The following ANO3 variants were observed in gnomAD, a reference collection of about 807,000 sequenced individuals.
ANO3 encodes anoctamin-3.
In ANO3, 99 loss-of-function variants were observed where a neutral mutation model predicts 144.8. That is an observed-to-expected ratio of 0.68 (90% CI 0.58 to 0.81). ANO3 has a LOEUF of 0.81. ANO3 is among the 30% of genes least tolerant of loss of function. ANO3 has a pLI of 0.00. For synonymous variants in ANO3, 414 were observed against 392.6 expected, an observed-to-expected ratio of 1.05 and a Z score of -0.64; for missense variants, 905 against 1,202.2, an observed-to-expected ratio of 0.75 and a Z score of 3.66.
In ANO3 at chr11:26,374,099, G is replaced by C. The variant is rs554485108; in HGVS notation, c.46+41778G>C. On this transcript the variant is annotated intron_variant, in intron 1 of 26. Transcript: ENST00000256737. Reference sequence around the variant, plus strand: ...ATGCTTCCAGGTTCACAATGTCATAGGTACTTGTGTTTTCCAGGTCATATA... The same window carrying C: ...ATGCTTCCAGGTTCACAATGTCATACGTACTTGTGTTTTCCAGGTCATATA... Among the ~76,000 whole-genome samples the C allele has an allele frequency of 4.1e-4, 63 of 152,248 alleles. No individual in the cohort carries two copies. In the South Asian group the frequency reaches 0.013, roughly 32 times the overall value.
intron 14 of ANO3, among the ~76,000 whole-genome samples, chr11:26,590,739 G>A (rs866170588): frequency 1.3e-5 from 2 of 152,206 alleles, no homozygotes; most frequent in African/African-American, 2.4e-5. Context: ...GGCAAAGGGC[G>A]CCTCGCTGGA....
chr11:26,296,366 A>T (rs781347979), intron 1 of ANO3, among the ~76,000 whole-genome samples: 13 of 152,122 alleles, frequency 8.5e-5, no homozygotes, highest in Non-Finnish European at 1.5e-4. Flanking sequence ...GCCCCAGATT[A>T]ATTGACCCTC....
chr11:26,652,633 A>G (rs1378342209), intron 24 of ANO3, among the ~76,000 whole-genome samples: 1 of 152,124 alleles, frequency 6.6e-6, no homozygotes, highest in African/African-American at 2.4e-5. Flanking sequence ...ACATGCTTTT[A>G]TTGTTCTAGT....
At chr11:26,494,697 G>A (rs750235588) in intron 4 of ANO3, among the ~76,000 whole-genome samples, 97 of 152,140 alleles carry the variant, frequency 6.4e-4, no homozygotes, top group Non-Finnish European at 9.9e-4. Context: ...GCCAAGGGGA[G>A]CTTTGTTTGC....
rs145939076 is a variant in ANO3, at chr11:26,200,887, C to T, written c.154+11557C>T. ...TGTACATGATTCAAAACATATTTAC[C>T]TCTGAACCTTCCTTGATTAACACCC... On this transcript the variant is annotated intron_variant, in intron 1 of 27. Coordinates refer to the ANO3 transcript ENST00000672621. Among the ~76,000 whole-genome samples, 221 of 152,056 alleles carry T rather than the reference C, an allele frequency of 1.5e-3. 2 individuals carry two copies. Among genetic ancestry groups the T allele is most frequent in the African/African-American group, 5.1e-3 (212 of 41,508 alleles).
chr11:26,459,856 A>G (rs576896807), intron 3 of ANO3, among the ~76,000 whole-genome samples: 17 of 152,124 alleles, frequency 1.1e-4, no homozygotes, highest in Non-Finnish European at 2.1e-4. Flanking sequence ...ACTAGAATAA[A>G]CTTGTTTATT....
chr11:26,559,363 T>G (rs1371995413), intron 13 of ANO3: 1 of 176,594 alleles, frequency 5.7e-6, no homozygotes, highest in Non-Finnish European at 1.2e-5. Context: ...CAACTAGGAA[T>G]GCCTCACCTG....
At chr11:26,484,853 A>C (rs2134094811) in intron 4 of ANO3, among the ~76,000 whole-genome samples, 1 of 152,336 alleles carries the variant, frequency 6.6e-6, no homozygotes, top group South Asian at 2.1e-4. Context: ...AGTGTGGCCA[A>C]GATGTGACGT....
At chr11:26,289,943 G>A (rs1271110635) in intron 1 of ANO3, among the ~76,000 whole-genome samples, 1 of 152,000 alleles carries the variant, frequency 6.6e-6, no homozygotes, top group Non-Finnish European at 1.5e-5. Flanking sequence ...CATAAAATGA[G>A]TTAGGGAGGA....
chr11:26,634,953 A>T, intron 19 of ANO3, 60 bp from the exon 20 acceptor site: 1 of 1,398,274 alleles, frequency 7.2e-7, no homozygotes, highest in East Asian at 2.3e-5. Context: ...GTGATGCCTA[A>T]GTAGATGTTC....
intron 1 of ANO3, among the ~76,000 whole-genome samples, chr11:26,365,772 T>A (rs1170854200): frequency 6.6e-6 from 1 of 152,070 alleles, no homozygotes; most frequent in Non-Finnish European, 1.5e-5. Flanking sequence ...CATTCTTTTT[T>A]CCTAGTCCTC....
intron 3 of ANO3, among the ~76,000 whole-genome samples, chr11:26,450,636 C>A (rs1197757720): frequency 6.6e-6 from 1 of 152,186 alleles, no homozygotes; most frequent in East Asian, 1.9e-4. Flanking sequence ...TACACACCAT[C>A]TTTGCCTGAG....
At chr11:26,394,280 C>A (rs1856949405) in intron 1 of ANO3, among the ~76,000 whole-genome samples, 1 of 152,004 alleles carries the variant, frequency 6.6e-6, no homozygotes, top group Non-Finnish European at 1.5e-5. Context: ...TGAATGAGAA[C>A]TGAAAACAAT....
chr11:26,464,715 G>A (rs1338538042), intron 4 of ANO3, among the ~76,000 whole-genome samples: 1 of 151,642 alleles, frequency 6.6e-6, no homozygotes, highest in African/African-American at 2.4e-5. Context: ...ACCACAATAG[G>A]TCAATCCAAT....
chr11:26,489,653 AC>A (rs1180171265), intron 4 of ANO3, among the ~76,000 whole-genome samples: 3 of 152,196 alleles, frequency 2.0e-5, no homozygotes, highest in African/African-American at 7.2e-5. Context: ...ACTGCCCAAG[AC>A]TGTAGGAACC....
chr11:26,470,747 A>T (rs562689733), intron 4 of ANO3, among the ~76,000 whole-genome samples: 18 of 152,116 alleles, frequency 1.2e-4, no homozygotes, highest in African/African-American at 4.1e-4. Flanking sequence ...AGAGATGTTT[A>T]TAGTTTTTAA....
intron 1 of ANO3, among the ~76,000 whole-genome samples, chr11:26,390,113 G>A (rs2133961092): frequency 6.6e-6 from 1 of 152,220 alleles, no homozygotes; most frequent in African/African-American, 2.4e-5. Context: ...TCTTCGAACT[G>A]TTAGAGTTTT....
At chr11:26,258,393 G>A (rs1162223745) in intron 1 of ANO3, among the ~76,000 whole-genome samples, 1 of 152,088 alleles carries the variant, frequency 6.6e-6, no homozygotes, top group Non-Finnish European at 1.5e-5. Flanking sequence ...TCTACTCTCT[G>A]CTCAACATTG....
intron 1 of ANO3, among the ~76,000 whole-genome samples, chr11:26,422,663 T>C (rs1857787557): frequency 6.6e-6 from 1 of 151,950 alleles, no homozygotes. Context: ...TTTTTAGCTT[T>C]AGATGGGTTG....
Sources: gnomAD v4.1 joint callset for allele counts (sites outside exome capture counted in the v4.1 genomes callset) on GRCh38, gnomAD v4.1.1 for gene constraint, MANE v1.5 for transcripts, NCBI Gene and HGNC (gene_info 2026-07-23, HGNC 2026-07-21) for gene names.